The following MTERF4 variants were observed in gnomAD, a reference collection of about 807,000 sequenced individuals.
MTERF4 encodes mitochondrial transcription termination factor 4.
A neutral mutation model predicts 22.5 loss-of-function variants in MTERF4; 17 were observed. That is an observed-to-expected ratio of 0.75 (90% CI 0.52 to 1.13). The LOEUF is 1.13. MTERF4 is among the 50% of genes most tolerant of loss of function. MTERF4 has a pLI of 0.00. For synonymous variants in MTERF4, 165 were observed against 175.3 expected, an observed-to-expected ratio of 0.94 and a Z score of 0.47; for missense variants, 420 against 466.8, an observed-to-expected ratio of 0.90 and a Z score of 0.92.
intron 4 of MTERF4, among the ~76,000 whole-genome samples, chr2:241,076,516 A>G (rs535645656): frequency 4.8e-4 from 73 of 152,296 alleles, no homozygotes; most frequent in African/African-American, 1.8e-3. Context: ...CTTGTCATAC[A>G]TTCTTTGGGG....
chr2:241,086,809 C>T (rs2063605712), downstream of MTERF4, among the ~76,000 whole-genome samples: 1 of 152,238 alleles, frequency 6.6e-6, no homozygotes, highest in Non-Finnish European at 1.5e-5. Flanking sequence ...AAAACGCCTT[C>T]CCATCCATTA....
At chr2:241,088,705 G>C, downstream of MTERF4, 1 of 403,964 alleles carries the variant, frequency 2.5e-6, no homozygotes, top group Non-Finnish European at 4.4e-6. Context: ...CCCTAGATCA[G>C]CTGCAGTGGG....
At chr2:241,071,455 C>T (rs2062711014), downstream of MTERF4, 8 of 1,201,348 alleles carry the variant, frequency 6.7e-6, no homozygotes, top group South Asian at 1.4e-5. Flanking sequence ...GGCCCACGCA[C>T]ATGCCCCCCT....
At chr2:241,053,222 C>T in the MTERF4 span, 3 of 1,609,288 alleles carry the variant, frequency 1.9e-6, no homozygotes, top group Non-Finnish European at 2.5e-6. Flanking sequence ...CGGCTGGGCG[C>T]GGTGGCCCTG....
At chr2:241,079,411 C>CAAAAAA (rs757361914) in intron 4 of MTERF4, among the ~76,000 whole-genome samples, 124 of 74,462 alleles carry the variant, frequency 1.7e-3, no homozygotes, top group Non-Finnish European at 3.0e-3. Context: ...GACTCCATCT[C>CAAAAAA]AAAAAAAAAA....
chr2:241,064,026 G>A, the MTERF4 span: 55 of 1,554,978 alleles, frequency 3.5e-5, no homozygotes, highest in East Asian at 1.5e-4. The surrounding 1 kb of genome is among the most constrained non-coding windows in gnomAD (Gnocchi z 7.0). Flanking sequence ...GGACGCCTGC[G>A]ACTCCAGCCC....
the MTERF4 span, chr2:241,063,869 G>A: frequency 1.3e-6 from 1 of 762,610 alleles, no homozygotes. Flanking sequence ...TGCTGGGGAG[G>A]GCTGAGGGGC....
intron 2 of MTERF4, 158 bp downstream of exon 2, chr2:241,099,238 C>T: frequency 1.3e-6 from 1 of 774,482 alleles, no homozygotes; most frequent in Non-Finnish European, 2.0e-6. Context: ...CCAAGCCCAG[C>T]TAATTTTTCT....
chr2:241,050,006 CTGCTGT>C, the MTERF4 span: 1 of 1,074,426 alleles, frequency 9.3e-7, no homozygotes, highest in African/African-American at 1.5e-5. Context: ...TCCTGCTTCT[CTGCTGT>C]CTCTCTCCTT....
the MTERF4 span, among the ~76,000 whole-genome samples, chr2:241,066,160 C>A: frequency 6.6e-6 from 1 of 152,166 alleles, no homozygotes; most frequent in South Asian, 2.1e-4. Context: ...CCAGATGTGA[C>A]CCCTGAAGAG....
At chr2:241,100,080 T>A in intron 1 of MTERF4, 186 bp from the exon 2 acceptor site, 1 of 661,032 alleles carries the variant, frequency 1.5e-6, no homozygotes, top group East Asian at 2.8e-5. Flanking sequence ...GAACAGGGTA[T>A]TTCAAGGCCA....
At chr2:241,055,592 G>C in the MTERF4 span, among the ~76,000 whole-genome samples, 1 of 152,196 alleles carries the variant, frequency 6.6e-6, no homozygotes, top group South Asian at 2.1e-4. Context: ...TTAAAGAGTT[G>C]AGGAGGCAGA....
At chr2:241,101,270 T>C (rs927284724) in intron 1 of MTERF4, 1 of 441,124 alleles carries the variant, frequency 2.3e-6, no homozygotes, top group Non-Finnish European at 4.8e-6. Flanking sequence ...CAGATTCTCA[T>C]AAGGAGCGCA....
chr2:241,087,743 C>T (rs2063659156), downstream of MTERF4: 4 of 1,271,216 alleles, frequency 3.1e-6, no homozygotes, highest in Non-Finnish European at 4.0e-6. Flanking sequence ...GAACATGGTG[C>T]TACAATTGGG....
the MTERF4 span, chr2:241,065,596 G>C: frequency 5.0e-6 from 8 of 1,610,550 alleles, no homozygotes; most frequent in Non-Finnish European, 6.8e-6. Context: ...GCCCGCACGC[G>C]TGAGTGTCCC....
chr2:241,052,495 G>A, the MTERF4 span: 3 of 1,535,772 alleles, frequency 2.0e-6, no homozygotes, highest in Admixed American at 3.4e-5. Flanking sequence ...GATCAAGCAG[G>A]GTACATGGGA....
At chr2:241,046,575 C>T in the MTERF4 span, among the ~76,000 whole-genome samples, 3 of 152,132 alleles carry the variant, frequency 2.0e-5, no homozygotes, top group Non-Finnish European at 2.9e-5. Flanking sequence ...TATGGTTCCA[C>T]TAAATGGCAT....
At chr2:241,095,385 C>T (rs1349741244), downstream of MTERF4, 1 of 152,886 alleles carries the variant, frequency 6.5e-6, no homozygotes, top group Non-Finnish European at 1.5e-5. Flanking sequence ...AAACTGCCAG[C>T]ATTTTGCTGG....
intron 4 of MTERF4, among the ~76,000 whole-genome samples, chr2:241,077,815 T>G (rs370549647): frequency 1.8e-4 from 27 of 152,156 alleles, no homozygotes; most frequent in African/African-American, 5.5e-4. Flanking sequence ...AATTAAAAAG[T>G]CAGATAATAA....
Sources: gnomAD v4.1 joint callset for allele counts (sites outside exome capture counted in the v4.1 genomes callset) on GRCh38, gnomAD v4.1.1 for gene constraint, Gnocchi (gnomAD v3.1) non-coding constraint, MANE v1.5 for transcripts, NCBI Gene and HGNC (gene_info 2026-07-23, HGNC 2026-07-21) for gene names.